MYO3B: variants seen among roughly 807,000 people sequenced by gnomAD.
MYO3B encodes myosin IIIB.
Under a neutral mutation model 174.6 loss-of-function variants are expected in MYO3B, and 156 were observed. That is an observed-to-expected ratio of 0.89 (90% CI 0.78 to 1.02). MYO3B has a LOEUF of 1.02. Among genes scored for constraint, MYO3B ranks in the 50% least tolerant of loss-of-function variants. MYO3B has a pLI of 0.00. For missense variants in MYO3B, 1,632 were observed against 1,639.4 expected, an observed-to-expected ratio of 1.00 and a Z score of 0.08; for synonymous variants, 563 against 569.1, an observed-to-expected ratio of 0.99 and a Z score of 0.15.
chr2:170,540,120 G>A (rs761817214), intron 30 of MYO3B, among the ~76,000 whole-genome samples: 8 of 152,064 alleles, frequency 5.3e-5, no homozygotes, highest in African/African-American at 7.2e-5. Flanking sequence ...CCAGGAGTTC[G>A]AGACCAGCCT....
At chr2:170,237,435 A>G (rs529439259) in intron 7 of MYO3B, among the ~76,000 whole-genome samples, 11 of 143,978 alleles carry the variant, frequency 7.6e-5, no homozygotes, top group Non-Finnish European at 1.5e-4. Context: ...GATCATCTAT[A>G]TTTTTTTCCT....
intron 30 of MYO3B, among the ~76,000 whole-genome samples, chr2:170,531,771 G>A (rs1351015629): frequency 6.6e-6 from 1 of 152,096 alleles, no homozygotes; most frequent in Admixed American, 6.5e-5. Context: ...GATATCATGA[G>A]TCCATGTGGA....
At chr2:170,617,813 G>T (rs897101034) in intron 32 of MYO3B, among the ~76,000 whole-genome samples, 4 of 152,180 alleles carry the variant, frequency 2.6e-5, no homozygotes, top group African/African-American at 4.8e-5. Context: ...ACCTTTAGGA[G>T]CCCAATCAAC....
At chr2:170,531,266 C>T (rs11895624) in intron 30 of MYO3B, among the ~76,000 whole-genome samples, 1,826 of 152,204 alleles carry the variant, frequency 0.012, 41 homozygotes, top group African/African-American at 0.042. Context: ...TCTGTAGGTC[C>T]TGGAAAAAGT....
chr2:170,289,119 G>A (rs2093577899), intron 7 of MYO3B, among the ~76,000 whole-genome samples: 1 of 152,048 alleles, frequency 6.6e-6, no homozygotes, highest in Non-Finnish European at 1.5e-5. Flanking sequence ...CTAGTGTTCT[G>A]TTGAGCATTT....
At chr2:170,649,361 A>AT (rs1272627435) in intron 32 of MYO3B, among the ~76,000 whole-genome samples, 1 of 46,112 alleles carries the variant, frequency 2.2e-5, no homozygotes, top group Non-Finnish European at 3.9e-5. Flanking sequence ...TATATAATAT[A>AT]TTATATAAAA....
At chr2:170,589,883 A>G (rs533301174) in intron 32 of MYO3B, among the ~76,000 whole-genome samples, 3 of 152,348 alleles carry the variant, frequency 2.0e-5, no homozygotes, top group South Asian at 4.1e-4. Flanking sequence ...ATTTATGTCA[A>G]GTGCCCTATA....
In MYO3B at chr2:170,442,422, G is replaced by A. The variant is rs192813110; in HGVS notation, c.2651-1545G>A. On this transcript the variant is annotated intron_variant, in intron 22 of 34. Coordinates refer to ENST00000408978, the MANE Select transcript of MYO3B (RefSeq NM_138995.5). ...ATTTGCCCTTTGAGTATCTTCTTCAGTGAAGTTTCTGTTCAAATATATTGC... is the reference window on the plus strand; with the variant it reads ...ATTTGCCCTTTGAGTATCTTCTTCAATGAAGTTTCTGTTCAAATATATTGC... 3.8e-4 allele frequency among the ~76,000 whole-genome samples: 57 copies of A among 151,388 alleles called. 1 individual carries two copies. Among genetic ancestry groups the A allele is most frequent in the Middle Eastern group, 6.9e-3 (2 of 290 alleles).
At chr2:170,387,796 T>C (rs908139433) in intron 14 of MYO3B, among the ~76,000 whole-genome samples, 10 of 152,156 alleles carry the variant, frequency 6.6e-5, no homozygotes, top group Non-Finnish European at 1.0e-4. Flanking sequence ...CTGTGTGACA[T>C]TGGGCATTTC....
intron 22 of MYO3B, among the ~76,000 whole-genome samples, chr2:170,434,840 T>G (rs1473825024): frequency 6.6e-6 from 1 of 152,220 alleles, no homozygotes; most frequent in African/African-American, 2.4e-5. Context: ...TAAAACTTTT[T>G]GTAGAAATGG....
At chr2:170,597,389 A>G (rs983855247) in intron 32 of MYO3B, among the ~76,000 whole-genome samples, 12 of 151,636 alleles carry the variant, frequency 7.9e-5, no homozygotes, top group East Asian at 3.9e-4. Context: ...AAAAAAAAAA[A>G]AAGAAGCCCT....
chr2:170,471,649 A>T (rs1559034198), intron 25 of MYO3B, among the ~76,000 whole-genome samples: 1 of 152,142 alleles, frequency 6.6e-6, no homozygotes, highest in Non-Finnish European at 1.5e-5. Context: ...TTTTGTTGAA[A>T]ATACTGTTAT....
chr2:170,329,253 GTGTGTGTA>G (rs2093893281), intron 7 of MYO3B, among the ~76,000 whole-genome samples: 2 of 148,974 alleles, frequency 1.3e-5, no homozygotes, highest in Non-Finnish European at 1.5e-5. Context: ...GTGTGTGTGT[GTGTGTGTA>G]TATATATAAA....
rs2094381954 is a variant in MYO3B, at chr2:170,387,147, C to CT, written c.1417dup (p.Ser473PhefsTer15). The CT allele has an allele frequency of 1.2e-6, 2 of 1,614,094 alleles. No individual in the cohort carries two copies. The highest frequency in any genetic ancestry group is 2.7e-5 in the African/African-American group (2 of 75,062). On this transcript the variant is annotated frameshift_variant, in exon 14 of 35. Coordinates refer to ENST00000408978, the MANE Select transcript of MYO3B (RefSeq NM_138995.5). LOFTEE classifies it high-confidence loss of function. ...TGAGAGAGAAAATTCTACAAGTCAA[C>CT]TCCCTGGTGGAAGCCTTTGGGAACT...
intron 7 of MYO3B, among the ~76,000 whole-genome samples, chr2:170,260,966 G>A (rs764577769): frequency 2.0e-5 from 3 of 152,262 alleles, no homozygotes; most frequent in Non-Finnish European, 4.4e-5. Flanking sequence ...AGAAAAATGG[G>A]ATGGTACCTG....
chr2:170,583,369 A>C (rs1025339173), intron 32 of MYO3B, among the ~76,000 whole-genome samples: 2 of 152,096 alleles, frequency 1.3e-5, no homozygotes, highest in African/African-American at 4.8e-5. Flanking sequence ...AGAACATGGC[A>C]TCATTTCTAA....
At chr2:170,354,015 A>G (rs2094099486) in intron 8 of MYO3B, among the ~76,000 whole-genome samples, 1 of 152,224 alleles carries the variant, frequency 6.6e-6, no homozygotes. Flanking sequence ...GAAGGGTAAT[A>G]TGTCTATGAT....
intron 7 of MYO3B, 97 bp from the exon 8 acceptor site, chr2:170,335,288 T>C: frequency 2.2e-6 from 2 of 902,860 alleles, no homozygotes; most frequent in South Asian, 3.3e-5. Context: ...ACAGATTTTA[T>C]TAGAGCTATT....
At chr2:170,479,978 T>C (rs1685579589) in intron 25 of MYO3B, among the ~76,000 whole-genome samples, 1 of 148,758 alleles carries the variant, frequency 6.7e-6, no homozygotes, top group Non-Finnish European at 1.5e-5. Context: ...TATATGTATA[T>C]ATATTAAACC....
Sources: allele counts gnomAD v4.1 joint callset (sites outside exome capture counted in the v4.1 genomes callset), GRCh38; gene constraint gnomAD v4.1.1; transcripts MANE v1.5; gene names NCBI Gene and HGNC (gene_info 2026-07-23, HGNC 2026-07-21).